The following CNBD1 variants were observed in gnomAD, a reference collection of about 807,000 sequenced individuals.
CNBD1 encodes the protein cyclic nucleotide-binding domain-containing protein 1.
In CNBD1, 71 loss-of-function variants were observed where a neutral mutation model predicts 54.4. That is an observed-to-expected ratio of 1.30 (90% CI 1.08 to 1.59). The LOEUF (loss-of-function observed/expected upper bound fraction) is 1.59, where lower values mean the gene tolerates loss of function less well. Among genes scored for constraint, CNBD1 ranks in the 40% most tolerant of loss-of-function variants. The pLI is 0.00. For synonymous variants in CNBD1, 182 were observed against 170.7 expected (o/e 1.07, Z -0.51); for missense variants, 659 against 518.0 (o/e 1.27, Z -2.64).
At chr8:87,231,121 C>T (rs1242015099) in intron 5 of CNBD1, among the ~76,000 whole-genome samples, 1 of 152,004 alleles carries the variant, frequency 6.6e-6, no homozygotes, top group Non-Finnish European at 1.5e-5. Flanking sequence ...ACTAATACTA[C>T]CAAATCTCTT....
intron 4 of CNBD1, among the ~76,000 whole-genome samples, chr8:86,991,904 T>C (rs1445941311): frequency 6.6e-6 from 1 of 152,170 alleles, no homozygotes; most frequent in African/African-American, 2.4e-5. Flanking sequence ...TTTTCTTGAA[T>C]TTATTGAGAC....
intron 4 of CNBD1, among the ~76,000 whole-genome samples, chr8:87,110,132 T>C (rs1047281947): frequency 2.0e-5 from 3 of 152,146 alleles, no homozygotes; most frequent in Non-Finnish European, 4.4e-5. Flanking sequence ...GGATTATCCC[T>C]CACAGTTGTC....
intron 1 of CNBD1, among the ~76,000 whole-genome samples, chr8:86,874,856 T>C (rs1808491103): frequency 1.3e-5 from 2 of 151,744 alleles, no homozygotes; most frequent in East Asian, 3.9e-4. Context: ...AGCCCTGTTT[T>C]GTTTTAATGA....
chr8:86,940,132 C>CTTTTTTTTTTTTTTT lies in CNBD1; in HGVS notation c.431+383_431+397dup, dbSNP rs10671983. Among the ~76,000 whole-genome samples the CTTTTTTTTTTTTTTT allele has an allele frequency of 2.0e-3, 176 of 88,714 alleles. 24 individuals carry two copies. The highest frequency in any genetic ancestry group is 7.3e-3 in the African/African-American group (160 of 21,916). 58.2% of individuals were successfully genotyped at this position (88,714 alleles called of 152,430 possible). A position where few individuals can be genotyped will look rare whatever the true frequency, so the allele number is the denominator to read the frequency against. On this transcript the variant is annotated intron_variant, in intron 4 of 10. Transcript: ENST00000518476. ...CTTTAAATAAACTTACCACATGTTA[C>CTTTTTTTTTTTTTTT]TTTTTTTTTTTTTTTTTTTGAGACT...
intron 4 of CNBD1, among the ~76,000 whole-genome samples, chr8:87,174,426 T>C (rs573874811): frequency 3.3e-5 from 5 of 152,350 alleles, no homozygotes; most frequent in Admixed American, 3.3e-4. Context: ...CTTGATTATC[T>C]TTAATTATTT....
chr8:87,012,536 C>T (rs918256390), intron 4 of CNBD1, among the ~76,000 whole-genome samples: 1 of 152,140 alleles, frequency 6.6e-6, no homozygotes, highest in African/African-American at 2.4e-5. Context: ...AGAGAAACCC[C>T]TACCCCTTTT....
chr8:87,365,557 G>C (rs1037162019), intron 10 of CNBD1, among the ~76,000 whole-genome samples: 1 of 151,886 alleles, frequency 6.6e-6, no homozygotes, highest in Non-Finnish European at 1.5e-5. Context: ...AATCCTTTAT[G>C]AATTTTATAT....
At chr8:87,041,691 TG>T (rs1810072776) in intron 4 of CNBD1, among the ~76,000 whole-genome samples, 1 of 151,976 alleles carries the variant, frequency 6.6e-6, no homozygotes. Flanking sequence ...CCCAGCTACT[TG>T]GGAGGCTGAG....
chr8:87,406,479 CTT>C lies in CNBD1; in HGVS notation c.214-22050_214-22049del, dbSNP rs1214001647. Among the ~76,000 whole-genome samples, 340 of 82,698 alleles carry C rather than the reference CTT, an allele frequency of 4.1e-3. 4 individuals are homozygous for C. Among genetic ancestry groups the C allele is most frequent in the African/African-American group, 0.017 (320 of 18,602 alleles). The allele number at this position is 82,698 out of a possible 152,430, so 54.3% of individuals were successfully genotyped here. A position where few individuals can be genotyped will look rare whatever the true frequency, so the allele number is the denominator to read the frequency against. ...ACACACACACACACACACACACACA[CTT>C]TTTTTTTTTTTTTTTTGAGACAGAA... On this transcript the variant is annotated intron_variant, in intron 2 of 7. Coordinates refer to the CNBD1 transcript ENST00000521593.
intron 2 of CNBD1, among the ~76,000 whole-genome samples, chr8:87,399,372 T>C (rs964622537): frequency 1.3e-5 from 2 of 151,998 alleles, no homozygotes; most frequent in Admixed American, 1.3e-4. Context: ...CTGAGTCTTT[T>C]CTCTGTTCTC....
At chr8:87,218,493 T>C (rs985121311) in intron 5 of CNBD1, among the ~76,000 whole-genome samples, 5 of 152,076 alleles carry the variant, frequency 3.3e-5, no homozygotes, top group Admixed American at 3.3e-4. Context: ...ATTTTTAAAT[T>C]CTTAGAAATA....
chr8:87,002,688 T>G (rs1809017618), intron 4 of CNBD1, among the ~76,000 whole-genome samples: 1 of 152,126 alleles, frequency 6.6e-6, no homozygotes, highest in Non-Finnish European at 1.5e-5. Context: ...TGACTTAAAC[T>G]TTCAACCTGT....
intron 3 of CNBD1, among the ~76,000 whole-genome samples, chr8:86,938,185 T>C (rs941268578): frequency 1.3e-5 from 2 of 152,170 alleles, no homozygotes; most frequent in Non-Finnish European, 1.5e-5. Flanking sequence ...TTATTTAAGT[T>C]TCTGACAAGT....
intron 1 of CNBD1, among the ~76,000 whole-genome samples, chr8:86,879,703 C>G (rs2131777222): frequency 6.6e-6 from 1 of 152,106 alleles, no homozygotes; most frequent in South Asian, 2.1e-4. Flanking sequence ...AACCCTCTCT[C>G]TATTAAAAAT....
chr8:87,400,408 T>C (rs1807536097), intron 2 of CNBD1, among the ~76,000 whole-genome samples: 1 of 151,928 alleles, frequency 6.6e-6, no homozygotes, highest in Non-Finnish European at 1.5e-5. Context: ...GGTAGAAAAC[T>C]GAAAAGAAAA....
chr8:87,403,728 G>C (rs2130979247), intron 2 of CNBD1, among the ~76,000 whole-genome samples: 1 of 151,758 alleles, frequency 6.6e-6, no homozygotes, highest in African/African-American at 2.4e-5. Context: ...GAGAACTAGA[G>C]ATCAGATATT....
chr8:87,296,621 A>G (rs13266907), intron 8 of CNBD1, among the ~76,000 whole-genome samples: 6 of 18,174 alleles, frequency 3.3e-4, no homozygotes, highest in Non-Finnish European at 6.2e-4. Flanking sequence ...ATATATACAC[A>G]TATATATACA....
intron 2 of CNBD1, among the ~76,000 whole-genome samples, chr8:87,389,641 A>T (rs886099917): frequency 6.6e-6 from 1 of 152,218 alleles, no homozygotes; most frequent in East Asian, 1.9e-4. Context: ...GCCCATGGGT[A>T]GGAAGAATCA....
intron 4 of CNBD1, among the ~76,000 whole-genome samples, chr8:87,057,091 T>C (rs1810431519): frequency 6.6e-6 from 1 of 152,214 alleles, no homozygotes; most frequent in Non-Finnish European, 1.5e-5. Context: ...ACCATCCACC[T>C]TGAAGTAGCA....
Sources: gnomAD v4.1 joint callset for allele counts (sites outside exome capture counted in the v4.1 genomes callset) on GRCh38, gnomAD v4.1.1 for gene constraint, MANE v1.5 for transcripts, NCBI Gene and HGNC (gene_info 2026-07-23, HGNC 2026-07-21) for gene names.